PCDH15: variants seen among roughly 807,000 people sequenced by gnomAD.
PCDH15 encodes protocadherin-15.
A neutral mutation model predicts 178.5 loss-of-function variants in PCDH15; 129 were observed. The ratio of observed to expected loss-of-function variants is 0.72; its 90% CI spans 0.63 to 0.84. PCDH15 has a LOEUF of 0.84. PCDH15 is among the 40% of genes least tolerant of loss of function. The pLI is 0.00. For missense variants in PCDH15, 2,230 were observed against 2,099.9 expected (o/e 1.06, Z -1.21); for synonymous variants, 800 against 732.0 (o/e 1.09, Z -1.50).
At chr10:55,442,099 C>T (rs532791544) in intron 2 of PCDH15, among the ~76,000 whole-genome samples, 6 of 151,992 alleles carry the variant, frequency 3.9e-5, no homozygotes, top group Admixed American at 3.3e-4. Context: ...TAGTAAGTAA[C>T]TATTAAATTA....
At chr10:55,434,501 T>C (rs1368429847) in intron 2 of PCDH15, among the ~76,000 whole-genome samples, 1 of 152,200 alleles carries the variant, frequency 6.6e-6, no homozygotes. Flanking sequence ...AATAGAGATG[T>C]TTAACATATT....
intron 18 of PCDH15, among the ~76,000 whole-genome samples, chr10:54,064,127 C>T (rs2094089197): frequency 6.6e-6 from 1 of 152,110 alleles, no homozygotes; most frequent in East Asian, 1.9e-4. Context: ...CTCAAGAGAC[C>T]GAAGTGTGTA....
chr10:53,922,811 G>A (rs1458271737), intron 25 of PCDH15, among the ~76,000 whole-genome samples: 2 of 152,150 alleles, frequency 1.3e-5, no homozygotes, highest in African/African-American at 4.8e-5. Context: ...TATAGGTCAG[G>A]TGTGGTGGCT....
At chr10:54,935,490 C>T (rs1182142458) in intron 2 of PCDH15, among the ~76,000 whole-genome samples, 1 of 152,070 alleles carries the variant, frequency 6.6e-6, no homozygotes, top group Admixed American at 6.6e-5. Flanking sequence ...CCTTCAAATG[C>T]AAAAGCAATT....
intron 5 of PCDH15, among the ~76,000 whole-genome samples, chr10:54,362,620 G>A (rs530557160): frequency 8.5e-4 from 130 of 152,122 alleles, no homozygotes; most frequent in Non-Finnish European, 1.4e-3. Flanking sequence ...TGAAGCACTT[G>A]GGACCCTTTG....
At chr10:55,564,161 A>C (rs1191613052) in intron 2 of PCDH15, among the ~76,000 whole-genome samples, 1 of 151,756 alleles carries the variant, frequency 6.6e-6, no homozygotes, top group Non-Finnish European at 1.5e-5. Flanking sequence ...TGTTTTATAC[A>C]TAATAGAGAA....
Position 53,891,534 on chromosome 10 carries a change from C to T in PCDH15, c.3501+11709G>A, listed in dbSNP as rs183311887. Among the ~76,000 whole-genome samples, 162 of 152,208 alleles carry T rather than the reference C, an allele frequency of 1.1e-3. 2 individuals carry two copies. Among genetic ancestry groups the T allele is most frequent in the Admixed American group, 5.1e-3 (78 of 15,290 alleles). ...GCACTCAAACTTTAAAATATATGAG[C>T]CACCAGCAAGTTTAGGAAAGGCAAA... On this transcript the variant is annotated intron_variant, in intron 26 of 37. Coordinates refer to ENST00000644397, the MANE Select transcript of PCDH15 (RefSeq NM_001384140.1).
At chr10:53,864,458 G>A (rs1264508554) in intron 27 of PCDH15, among the ~76,000 whole-genome samples, 1 of 152,146 alleles carries the variant, frequency 6.6e-6, no homozygotes, top group Non-Finnish European at 1.5e-5. Flanking sequence ...AAAGTGCCTT[G>A]GAGTGGCTGT....
intron 1 of PCDH15, among the ~76,000 whole-genome samples, chr10:55,199,558 C>T (rs532414450): frequency 1.2e-4 from 18 of 152,078 alleles, no homozygotes; most frequent in African/African-American, 4.3e-4. Context: ...GAAATTCAAG[C>T]CCACTGCAGA....
intron 30 of PCDH15, chr10:53,831,032 AAAG>A: frequency 1.6e-6 from 1 of 607,264 alleles, no homozygotes; most frequent in East Asian, 3.3e-5. Context: ...CTCTTAAACA[AAAG>A]AAGAGCATAA....
chr10:54,044,379 T>C (rs1035412985), intron 18 of PCDH15, among the ~76,000 whole-genome samples: 2 of 152,106 alleles, frequency 1.3e-5, no homozygotes, highest in African/African-American at 4.8e-5. Context: ...AGAGAAACCA[T>C]CTATTAGTTT....
At chr10:54,591,406 G>A (rs752614268) in intron 2 of PCDH15, among the ~76,000 whole-genome samples, 12 of 152,128 alleles carry the variant, frequency 7.9e-5, no homozygotes, top group South Asian at 2.1e-4. Flanking sequence ...AACAAAAGGA[G>A]TCCAGAAGTC....
chr10:53,888,304 A>ATACACATATATATATATG (rs1554845194), intron 26 of PCDH15, among the ~76,000 whole-genome samples: 3 of 88,976 alleles, frequency 3.4e-5, no homozygotes, highest in African/African-American at 1.7e-4. Flanking sequence ...ATATATATAT[A>ATACACATATATATATATG]TATATGTATA....
At chr10:55,201,433 A>G (rs1270541551) in intron 1 of PCDH15, among the ~76,000 whole-genome samples, 2 of 152,138 alleles carry the variant, frequency 1.3e-5, no homozygotes, top group African/African-American at 4.8e-5. Context: ...AGGAGAAAAT[A>G]TTGCTAATGA....
intron 2 of PCDH15, among the ~76,000 whole-genome samples, chr10:55,524,455 C>G (rs1841258698): frequency 6.6e-6 from 1 of 151,546 alleles, no homozygotes; most frequent in Non-Finnish European, 1.5e-5. Context: ...TGTAAAATAT[C>G]TCATTAATGG....
chr10:54,369,018 T>C (rs1269953998), intron 5 of PCDH15, 102 bp downstream of exon 5: 10 of 1,316,790 alleles, frequency 7.6e-6, no homozygotes, highest in Non-Finnish European at 9.7e-6. Flanking sequence ...TTCTAAACAG[T>C]TAAGCTCATA....
intron 2 of PCDH15, among the ~76,000 whole-genome samples, chr10:54,577,089 T>G (rs2090550645): frequency 5.0e-5 from 1 of 20,084 alleles, no homozygotes; most frequent in Admixed American, 4.0e-4. Context: ...AAATTTTAAT[T>G]TCTTTTTTTT....
chr10:55,405,597 T>C (rs533668588), intron 2 of PCDH15, among the ~76,000 whole-genome samples: 2 of 151,928 alleles, frequency 1.3e-5, no homozygotes, highest in African/African-American at 4.8e-5. Context: ...TTTAACATAA[T>C]TTGTATTTCT....
At chr10:55,032,069 G>T (rs1012839260) in intron 2 of PCDH15, among the ~76,000 whole-genome samples, 5 of 152,152 alleles carry the variant, frequency 3.3e-5, no homozygotes, top group Admixed American at 3.3e-4. Context: ...AATTACGGGG[G>T]ATCTACCAAG....
Sources: gnomAD v4.1 joint callset for allele counts (sites outside exome capture counted in the v4.1 genomes callset) on GRCh38, gnomAD v4.1.1 for gene constraint, MANE v1.5 for transcripts, NCBI Gene and HGNC (gene_info 2026-07-23, HGNC 2026-07-21) for gene names.